Variants in NRXN3 observed in about 807,000 individuals in gnomAD.
The protein encoded by NRXN3 is neurexin 3, also known as neurexin III.
In NRXN3, 32 loss-of-function variants were observed where a neutral mutation model predicts 137.6. The ratio of observed to expected loss-of-function variants is 0.23; its 90% CI spans 0.18 to 0.31. The LOEUF is 0.31. Ranked by LOEUF, NRXN3 falls within the 10% of genes least tolerant of loss-of-function variation. The probability of loss-of-function intolerance (pLI) is 1.00; values close to 1 mark genes in which losing one functional copy is unlikely to be tolerated. For synonymous variants in NRXN3, 798 were observed against 784.5 expected (o/e 1.02, Z -0.29); for missense variants, 1,574 against 2,062.5 (o/e 0.76, Z 4.59).
intron 4 of NRXN3, among the ~76,000 whole-genome samples, chr14:78,355,972 G>A (rs937287793): frequency 2.6e-5 from 4 of 152,206 alleles, no homozygotes; most frequent in African/African-American, 7.2e-5. Context: ...AGTTGGCTAA[G>A]TCTGAGGGCA....
chr14:79,554,125 A>G (rs928511374), intron 16 of NRXN3, among the ~76,000 whole-genome samples: 1 of 152,058 alleles, frequency 6.6e-6, no homozygotes, highest in Non-Finnish European at 1.5e-5. Context: ...AAAAGGTTGG[A>G]AGTTGGGGAA....
intron 15 of NRXN3, among the ~76,000 whole-genome samples, chr14:79,119,096 T>C (rs1023232750): frequency 2.0e-5 from 3 of 152,204 alleles, no homozygotes; most frequent in Non-Finnish European, 4.4e-5. Context: ...AAATTCCTCT[T>C]CAAAATTTAA....
intron 1 of NRXN3, among the ~76,000 whole-genome samples, chr14:78,226,320 T>G (rs2064664967): frequency 6.6e-6 from 1 of 152,140 alleles, no homozygotes; most frequent in Admixed American, 6.5e-5. Flanking sequence ...CAGGTATTTA[T>G]TAGAGGTTTG....
chr14:79,202,655 G>T (rs774709865), intron 15 of NRXN3, among the ~76,000 whole-genome samples: 1 of 152,042 alleles, frequency 6.6e-6, no homozygotes, highest in East Asian at 1.9e-4. Flanking sequence ...CCTGAGTTAC[G>T]TCATTTAGAA....
At chr14:79,367,697 C>T (rs1305633620) in intron 15 of NRXN3, among the ~76,000 whole-genome samples, 1 of 152,158 alleles carries the variant, frequency 6.6e-6, no homozygotes, top group Non-Finnish European at 1.5e-5. Flanking sequence ...GCCTAGCTTA[C>T]ACACTTCTCA....
At chr14:79,432,053 T>A (rs2095765588) in intron 15 of NRXN3, among the ~76,000 whole-genome samples, 1 of 152,078 alleles carries the variant, frequency 6.6e-6, no homozygotes. Context: ...CCAACAATGG[T>A]CCTCAATAAT....
intron 17 of NRXN3, among the ~76,000 whole-genome samples, chr14:79,684,112 C>T (rs2098684182): frequency 6.6e-6 from 1 of 152,148 alleles, no homozygotes; most frequent in Non-Finnish European, 1.5e-5. Context: ...TAACACAAAG[C>T]TAAGAGAGGT....
chr14:79,222,985 A>G (rs191940772), intron 15 of NRXN3, among the ~76,000 whole-genome samples: 49 of 152,230 alleles, frequency 3.2e-4, no homozygotes, highest in Admixed American at 2.8e-3. Context: ...TTCTCTTGAC[A>G]GTTACATCAT....
chr14:78,633,148 G>A (rs949773949), intron 4 of NRXN3, among the ~76,000 whole-genome samples: 2 of 150,638 alleles, frequency 1.3e-5, no homozygotes, highest in African/African-American at 2.4e-5. Context: ...CTAGCTACTC[G>A]GGAGGCTGAG....
chr14:78,707,336 G>A (rs186301827), intron 6 of NRXN3, among the ~76,000 whole-genome samples: 6 of 152,210 alleles, frequency 3.9e-5, no homozygotes, highest in East Asian at 3.9e-4. Context: ...TAGTTGGGAC[G>A]CTCAATACTC....
Position 79,808,270 on chromosome 14 carries a change from ATATATGTATGTATG to A in NRXN3, c.4093+3084_4093+3097del, listed in dbSNP as rs1270177900. Among the ~76,000 whole-genome samples the A allele has an allele frequency of 4.8e-4, 69 of 144,892 alleles. 1 individual carries two copies. Among genetic ancestry groups the A allele is most frequent in the African/African-American group, 1.4e-3 (56 of 39,014 alleles). ...AAAAAAAAAAAATATATATATATATATATATGTATGTATGTATGTATGTATCTCAGGCTTCACAT... is the reference window on the plus strand; with the variant it reads ...AAAAAAAAAAAATATATATATATATATATGTATGTATCTCAGGCTTCACAT... On this transcript the variant is annotated intron_variant, in intron 20 of 20. Coordinates refer to ENST00000335750, the MANE Select transcript of NRXN3 (RefSeq NM_001330195.2).
chr14:78,458,194 A>G (rs994738498), intron 4 of NRXN3, among the ~76,000 whole-genome samples: 4 of 152,164 alleles, frequency 2.6e-5, no homozygotes, highest in African/African-American at 4.8e-5. Flanking sequence ...GAGACACTCT[A>G]TTTCATTTCC....
intron 10 of NRXN3, among the ~76,000 whole-genome samples, chr14:78,822,753 T>G (rs560843360): frequency 1.3e-5 from 2 of 151,864 alleles, no homozygotes; most frequent in Admixed American, 1.3e-4. Context: ...CTTAGTCATA[T>G]GGAATGTTTT....
chr14:78,552,090 T>C (rs1045800994), intron 4 of NRXN3, among the ~76,000 whole-genome samples: 2 of 152,104 alleles, frequency 1.3e-5, no homozygotes, highest in Non-Finnish European at 2.9e-5. Flanking sequence ...TGCCAGAATA[T>C]ATTTATTTTA....
rs937196680 is a variant in NRXN3 at position 79,189,082 on chromosome 14, G to A, written c.3262+200941G>A. 4.6e-5 allele frequency among the ~76,000 whole-genome samples: 7 copies of A among 151,746 alleles called. No individual in the cohort carries two copies. The South Asian group carries it at 6.3e-4, about 14-fold the overall frequency. On this transcript the variant is annotated intron_variant, in intron 15 of 20. Transcript: ENST00000335750. ...AAATCACGCTGCTATAAAGACACAC[G>A]CACACATATGTTTATTGCGGCACTA...
At chr14:78,608,581 G>C (rs1301548575) in intron 4 of NRXN3, among the ~76,000 whole-genome samples, 1 of 152,156 alleles carries the variant, frequency 6.6e-6, no homozygotes, top group Admixed American at 6.5e-5. Flanking sequence ...ATTAAGCTCA[G>C]TGTCACTTGA....
rs539004151 is a variant in NRXN3 at position 78,415,259 on chromosome 14, T to C, written c.757+117399T>C. 2.6e-5 allele frequency among the ~76,000 whole-genome samples: 4 copies of C among 152,230 alleles called. No homozygotes were observed. The East Asian group carries it at 5.8e-4, about 22-fold the overall frequency. ...CAGCATGTATACAAAATGCCTATCA[T>C]GTAAAAAGCACTTAGTCTTTACCAG... On this transcript the variant is annotated intron_variant, in intron 4 of 20. Coordinates refer to ENST00000335750, the MANE Select transcript of NRXN3 (RefSeq NM_001330195.2).
intron 1 of NRXN3, among the ~76,000 whole-genome samples, chr14:78,224,697 C>CCAAG (rs2064282883): frequency 6.7e-6 from 1 of 148,204 alleles, no homozygotes; most frequent in Admixed American, 6.7e-5. Context: ...TGGGTTGGTT[C>CCAAG]CAAGTCTTTG....
intron 15 of NRXN3, among the ~76,000 whole-genome samples, chr14:79,078,894 C>G: frequency 6.6e-6 from 1 of 152,006 alleles, no homozygotes. Context: ...CCAGCCCTAA[C>G]ATGCTATTAG....
Sources: gnomAD v4.1 joint callset for allele counts (sites outside exome capture counted in the v4.1 genomes callset) on GRCh38, gnomAD v4.1.1 for gene constraint, MANE v1.5 for transcripts, NCBI Gene and HGNC (gene_info 2026-07-23, HGNC 2026-07-21) for gene names.